DPP10: variants seen among roughly 807,000 people sequenced by gnomAD.
The protein encoded by DPP10 is inactive dipeptidyl peptidase 10.
DPP10 carries 33 observed loss-of-function variants against 120.9 expected under a neutral mutation model. The ratio of observed to expected loss-of-function variants is 0.27; its 90% CI spans 0.21 to 0.37. The LOEUF (loss-of-function observed/expected upper bound fraction) is 0.37, where lower values mean the gene tolerates loss of function less well. DPP10 is among the 10% of genes least tolerant of loss of function. The pLI is 1.00. For synonymous variants in DPP10, 337 were observed against 326.1 expected, an observed-to-expected ratio of 1.03 and a Z score of -0.36; for missense variants, 816 against 942.8, an observed-to-expected ratio of 0.87 and a Z score of 1.76.
intron 1 of DPP10, among the ~76,000 whole-genome samples, chr2:114,954,823 T>C (rs1214937816): frequency 2.6e-5 from 4 of 152,110 alleles, no homozygotes; most frequent in African/African-American, 4.8e-5. Context: ...TATGAGAGAC[T>C]ACTGTGAACA....
chr2:114,893,042 T>G (rs747425358), intron 1 of DPP10, among the ~76,000 whole-genome samples: 1 of 152,224 alleles, frequency 6.6e-6, no homozygotes. Flanking sequence ...GTGTCTTTAT[T>G]ATTAAAAATT....
intron 1 of DPP10, among the ~76,000 whole-genome samples, chr2:115,211,734 G>A (rs771267405): frequency 2.0e-5 from 3 of 151,878 alleles, no homozygotes; most frequent in Non-Finnish European, 4.4e-5. Context: ...GACATGTTTT[G>A]TCCATATATT....
intron 5 of DPP10, among the ~76,000 whole-genome samples, chr2:115,601,874 G>A (rs1307591048): frequency 6.6e-6 from 1 of 150,954 alleles, no homozygotes; most frequent in African/African-American, 2.4e-5. Context: ...ATAGAGACGG[G>A]GTTTCACCAT....
intron 1 of DPP10, among the ~76,000 whole-genome samples, chr2:114,613,250 G>A (rs897031572): frequency 2.4e-4 from 36 of 152,118 alleles, no homozygotes; most frequent in African/African-American, 8.7e-4. Context: ...TGCAAACAGA[G>A]AGAAGATTAT....
At chr2:115,088,750 C>CAAAAAAAAAAAAAAAAAAAAAAAAAAA (rs70941027) in intron 1 of DPP10, among the ~76,000 whole-genome samples, 2 of 65,042 alleles carry the variant, frequency 3.1e-5, no homozygotes, top group Non-Finnish European at 5.6e-5. Flanking sequence ...CTGTGCCTGA[C>CAAAAAAAAAAAAAAAAAAAAAAAAAAA]AAAAAAAAAA....
chr2:115,382,486 A>G lies in DPP10; in HGVS notation c.271+38574A>G, dbSNP rs181960696. On this transcript the variant is annotated intron_variant, in intron 3 of 25. Coordinates refer to ENST00000410059, the MANE Select transcript of DPP10 (RefSeq NM_020868.6). ...CACTTCCTATTGAGATGAACCTGGTACCTCAGATGGAAATGCAGAAATCAC... is the reference window on the plus strand; with the variant it reads ...CACTTCCTATTGAGATGAACCTGGTGCCTCAGATGGAAATGCAGAAATCAC... Among the ~76,000 whole-genome samples the G allele has an allele frequency of 4.6e-3, 701 of 152,218 alleles. 20 individuals are homozygous for G. The highest frequency in any genetic ancestry group is 1.3e-3 in the Non-Finnish European group (88 of 68,016).
intron 3 of DPP10, among the ~76,000 whole-genome samples, chr2:115,374,487 G>A (rs1201699003): frequency 6.6e-6 from 1 of 152,176 alleles, no homozygotes; most frequent in Non-Finnish European, 1.5e-5. Flanking sequence ...GGTGGGCCTA[G>A]CATTCTGGGG....
At chr2:115,484,710 C>T (rs2075659964) in intron 3 of DPP10, among the ~76,000 whole-genome samples, 1 of 152,214 alleles carries the variant, frequency 6.6e-6, no homozygotes, top group African/African-American at 2.4e-5. Context: ...GATGACAACA[C>T]TGAAGTATCT....
intron 1 of DPP10, among the ~76,000 whole-genome samples, chr2:115,263,097 A>G (rs542124515): frequency 1.3e-5 from 2 of 152,144 alleles, no homozygotes; most frequent in South Asian, 4.1e-4. Context: ...TCCTTTTTCT[A>G]GGTGTAGTTT....
At chr2:115,581,746 C>G (rs983344339) in intron 5 of DPP10, among the ~76,000 whole-genome samples, 4 of 152,032 alleles carry the variant, frequency 2.6e-5, no homozygotes, top group African/African-American at 9.7e-5. Context: ...TAAATTGAGC[C>G]TGAATCTTAT....
chr2:114,450,473 C>T (rs1405736986), intron 1 of DPP10, among the ~76,000 whole-genome samples: 1 of 151,708 alleles, frequency 6.6e-6, no homozygotes, highest in Non-Finnish European at 1.5e-5. Flanking sequence ...TAATATCTGC[C>T]ACATAGCAGG....
rs1222158705 is a variant in DPP10 at position 115,526,943 on chromosome 2, T to C, written c.441+971T>C. 3.3e-5 allele frequency among the ~76,000 whole-genome samples: 5 copies of C among 152,172 alleles called. No individual in the cohort carries two copies. The East Asian group carries it at 7.7e-4, about 23-fold the overall frequency. On this transcript the variant is annotated intron_variant, in intron 5 of 25. Coordinates refer to ENST00000410059, the MANE Select transcript of DPP10 (RefSeq NM_020868.6). ...TAGTATAGATGTTGGCCTGTTGTCT[T>C]ATCTTTTGCTTTGAGTTATCTTTAT...
intron 5 of DPP10, among the ~76,000 whole-genome samples, chr2:115,684,931 C>T (rs965191131): frequency 9.2e-5 from 14 of 151,850 alleles, no homozygotes; most frequent in Non-Finnish European, 1.9e-4. Context: ...CTTAATTGGT[C>T]TTTTGGAAAT....
intron 1 of DPP10, among the ~76,000 whole-genome samples, chr2:114,641,869 C>T (rs1014092357): frequency 1.3e-5 from 2 of 151,850 alleles, no homozygotes; most frequent in Admixed American, 6.6e-5. Context: ...CAAAACCAAC[C>T]TCATCACTTA....
chr2:115,798,806 T>C (rs6749103), intron 19 of DPP10, among the ~76,000 whole-genome samples: 151,535 of 152,240 alleles, frequency 1, 75,421 homozygotes, highest in Middle Eastern at 1. Context: ...TTTTCAGCAT[T>C]GGACTTTAGC....
In DPP10 at chr2:115,478,944, A is replaced by G. The variant is rs1027253830; in HGVS notation, c.272-20566A>G. Among the ~76,000 whole-genome samples the G allele has an allele frequency of 3.9e-5, 6 of 152,200 alleles. 1 individual carries two copies. The highest frequency in any genetic ancestry group is 3.9e-4 in the Admixed American group (6 of 15,272). ...CGTGGAGAAACTGAAAGTCTTGTGC[A>G]CTATTTGGTGGGAATGTAAAATATT... On this transcript the variant is annotated intron_variant, in intron 3 of 25. Coordinates refer to ENST00000410059, the MANE Select transcript of DPP10 (RefSeq NM_020868.6).
At position 114,628,479 on chromosome 2, in the gene DPP10, C is replaced by T. The variant is rs546062174; in HGVS notation, c.60+185641C>T. Among the ~76,000 whole-genome samples, 24 of 152,136 alleles carry T rather than the reference C, an allele frequency of 1.6e-4. No individual in the cohort carries two copies. In the South Asian group the frequency reaches 5.0e-3, roughly 32 times the overall value. On this transcript the variant is annotated intron_variant, in intron 1 of 25. Transcript: ENST00000410059. ...GAATATTATTTTATTTAAAATTTTG[C>T]CAACTTCATTAAGACATAAAGACCA...
intron 7 of DPP10, among the ~76,000 whole-genome samples, chr2:115,707,454 ACACACACACTCT>A (rs1177559329): frequency 1.2e-4 from 18 of 149,700 alleles, no homozygotes; most frequent in African/African-American, 4.3e-4. Context: ...ACACACACAC[ACACACACACTCT>A]CTCCACATTT....
At chr2:115,324,006 C>G (rs987547667) in intron 2 of DPP10, among the ~76,000 whole-genome samples, 4 of 152,128 alleles carry the variant, frequency 2.6e-5, no homozygotes, top group Non-Finnish European at 5.9e-5. Flanking sequence ...GAGAGTCAGC[C>G]TCTCCTTTGA....
Sources: gnomAD v4.1 joint callset for allele counts (sites outside exome capture counted in the v4.1 genomes callset) on GRCh38, gnomAD v4.1.1 for gene constraint, MANE v1.5 for transcripts, NCBI Gene and HGNC (gene_info 2026-07-23, HGNC 2026-07-21) for gene names.